CACNA1H: variants seen among roughly 807,000 people sequenced by gnomAD.
CACNA1H encodes the protein calcium voltage-gated channel subunit alpha1 H, also known as voltage-dependent T-type calcium channel subunit alpha-1H.
In CACNA1H, 149 loss-of-function variants were observed where a neutral mutation model predicts 192.5. The observed-to-expected ratio is 0.77, with a 90% CI of 0.68 to 0.89. The LOEUF is 0.89. Ranked by LOEUF, CACNA1H falls within the 40% of genes least tolerant of loss-of-function variation. The pLI, the probability that CACNA1H is intolerant of heterozygous loss-of-function variation, is 0.00. For synonymous variants in CACNA1H, 2,202 were observed against 1,475.2 expected (o/e 1.49, Z -11.29); for missense variants, 4,257 against 3,423.5 (o/e 1.24, Z -6.08).
chr16:1,219,033 C>G lies in CACNA1H; in HGVS notation c.5951C>G (p.Ala1984Gly). ...TGTGCCTCCCTCCAGATCCCATTGG[C>G]TGTGTCGTCCCCAGCCAGGAGCGGC... ...ESCASLQIPL[A>G]VSSPARSGEP... Residue 1984 changes from alanine (A) to glycine (G), a missense_variant, in exon 34 of 35, where the codon GCT (alanine) becomes GGT (glycine). Transcript: ENST00000348261. 6 of 1,550,154 alleles carry G rather than the reference C, an allele frequency of 3.9e-6. No individual in the cohort carries two copies. The highest frequency in any genetic ancestry group is 5.2e-6 in the Non-Finnish European group (6 of 1,146,846).
At chr16:1,168,292 C>T (rs1964006540) in intron 2 of CACNA1H, among the ~76,000 whole-genome samples, 1 of 152,104 alleles carries the variant, frequency 6.6e-6, no homozygotes, top group Admixed American at 6.5e-5. Context: ...CCATCTCCTC[C>T]CTCCTAGGGC....
At chr16:1,200,188 C>T (rs1296098611) in intron 6 of CACNA1H, 68 bp from the exon 7 acceptor site, 3 of 1,302,068 alleles carry the variant, frequency 2.3e-6, no homozygotes, top group East Asian at 2.5e-5. Context: ...TGATCACAAT[C>T]GTGCCCCCGA....
intron 2 of CACNA1H, among the ~76,000 whole-genome samples, chr16:1,176,598 A>AC (rs766056895): frequency 1.3e-4 from 19 of 151,888 alleles, no homozygotes; most frequent in Non-Finnish European, 1.8e-4. Flanking sequence ...GTCTCAGGTG[A>AC]CCCCCCAACC....
At chr16:1,195,351 CG>C in intron 3 of CACNA1H, 80 bp from the exon 4 acceptor site, 4 of 1,344,816 alleles carry the variant, frequency 3.0e-6, no homozygotes, top group Non-Finnish European at 3.9e-6. Flanking sequence ...GACTGGGGGC[CG>C]GGCTCTTGCG....
chr16:1,211,783 A>T lies in CACNA1H; in HGVS notation c.4544A>T (p.Asp1515Val). ...GTGAACATCATGTACGACGGGCTGGATGCCGTGGGTGTCGACCAGCAGGTG... is the reference window on the plus strand; with the variant it reads ...GTGAACATCATGTACGACGGGCTGGTTGCCGTGGGTGTCGACCAGCAGGTG... ...GWVNIMYDGL[D>V]AVGVDQQPVQ... The change falls in exon 24 of 35, where the codon GAT becomes GTT. Residue 1515 changes from aspartate (D) to valine (V), a missense_variant. Transcript: ENST00000348261. The T allele has an allele frequency of 6.2e-7, 1 of 1,612,674 alleles. No individual in the cohort carries two copies.
Position 1,220,578 on chromosome 16 carries a change from C to T in CACNA1H, c.6646C>T (p.Leu2216=). Residue 2216 remains leucine (L), a synonymous_variant, in exon 35 of 35, where the codon CTG becomes TTG. Transcript: ENST00000348261. The part of the protein sequence containing the change: ...PSAAEGGSTT[L]RRRTPSCEAT... ...CGCGGCAGAGGGCGGCAGCACCACACTGAGGCGCAGGACCCCGTCCTGTGA... is the reference window on the plus strand; with the variant it reads ...CGCGGCAGAGGGCGGCAGCACCACATTGAGGCGCAGGACCCCGTCCTGTGA... 6.5e-7 allele frequency: 1 copy of T among 1,540,394 alleles called. No individual in the cohort carries two copies. The highest frequency in any genetic ancestry group is 8.7e-7 in the Non-Finnish European group (1 of 1,150,258).
intron 2 of CACNA1H, among the ~76,000 whole-genome samples, chr16:1,162,024 C>A (rs191742948): frequency 6.6e-6 from 1 of 152,154 alleles, no homozygotes; most frequent in South Asian, 2.1e-4. Flanking sequence ...GGTCCCTGCT[C>A]CGGACCCTGT....
intron 2 of CACNA1H, among the ~76,000 whole-genome samples, chr16:1,158,819 C>T (rs1474700046): frequency 6.6e-6 from 1 of 152,012 alleles, no homozygotes. Flanking sequence ...CGCAGGGCGC[C>T]ACTCAGCCCG....
At chr16:1,199,877 T>A (rs11640926) in intron 6 of CACNA1H, among the ~76,000 whole-genome samples, 1 of 151,922 alleles carries the variant, frequency 6.6e-6, no homozygotes, top group Non-Finnish European at 1.5e-5. Context: ...CTTCCAGGAG[T>A]TGCTGAGGTC....
At position 1,204,272 on chromosome 16, in the gene CACNA1H, C is replaced by T. The variant is rs61073355; in HGVS notation, c.2265C>T (p.Gly755=). ...PPRATDTPGP[G]PGSPQRRAQQ... ...GTGCGACGGACACACCAGGCCCAGG[C>T]CCAGGCAGCCCCCAGCGGCGGGCAC... Residue 755 remains glycine (G), a synonymous_variant, in exon 10 of 35, where the codon GGC becomes GGT. Coordinates refer to ENST00000348261, the MANE Select transcript of CACNA1H (RefSeq NM_021098.3). 6.1e-3 allele frequency: 9,833 copies of T among 1,608,354 alleles called. 46 individuals are homozygous for T. Among genetic ancestry groups the T allele is most frequent in the Non-Finnish European group, 7.2e-3 (8,525 of 1,177,616 alleles).
At chr16:1,164,152 C>T (rs1013653235) in intron 2 of CACNA1H, among the ~76,000 whole-genome samples, 11 of 152,154 alleles carry the variant, frequency 7.2e-5, no homozygotes, top group African/African-American at 2.4e-4. Context: ...GTCCCTGACA[C>T]AGAAAACCCA....
chr16:1,205,340 C>G lies in CACNA1H; in HGVS notation c.2603+75C>G. On this transcript the variant is annotated intron_variant, in intron 11 of 34. Coordinates refer to ENST00000348261, the MANE Select transcript of CACNA1H (RefSeq NM_021098.3). ...TCTGGCAGAAATCCCACCTGCAGAG[C>G]AAAACCCAGAGCACAGGAGGAAGTA... The G allele has an allele frequency of 5.5e-6, 8 of 1,444,328 alleles. No individual in the cohort carries two copies. In the Admixed American group the frequency reaches 7.8e-5, roughly 14 times the overall value. 89.5% of individuals were successfully genotyped at this position (1,444,328 alleles called of 1,614,324 possible).
chr16:1,209,746 G>T (rs8049748), intron 17 of CACNA1H, among the ~76,000 whole-genome samples: 2 of 152,084 alleles, frequency 1.3e-5, no homozygotes, highest in African/African-American at 4.8e-5. Context: ...TCAGGCTTCC[G>T]TGGGTCAAGG....
rs568224207 is a variant in CACNA1H, at chr16:1,202,105, G to A, written c.1655G>A (p.Arg552Gln). 6.7e-5 allele frequency: 103 copies of A among 1,545,480 alleles called. No individual in the cohort carries two copies. Among genetic ancestry groups the A allele is most frequent in the African/African-American group, 5.9e-4 (43 of 73,104 alleles). ...GGCGCCTGCGACACCAGGCTGGTCC[G>A]AGCTGGCGCGCCCCCCTCGCCACCT... The part of the protein sequence containing the change: ...EPGACDTRLV[R>Q]AGAPPSPPSP... The change falls in exon 9 of 35, where the codon CGA becomes CAA. Residue 552 changes from arginine to glutamine, a missense_variant. Arg to Gln is a conservative substitution (Grantham distance 43). Coordinates refer to ENST00000348261, the MANE Select transcript of CACNA1H (RefSeq NM_021098.3).
chr16:1,212,639 G>A (rs928806287), intron 26 of CACNA1H, 111 bp downstream of exon 26: 13 of 1,320,536 alleles, frequency 9.8e-6, no homozygotes, highest in African/African-American at 4.4e-5. Context: ...ACAGGCAGCC[G>A]GAGGTGCTGG....
chr16:1,196,389 C>T (rs566121206), intron 5 of CACNA1H, among the ~76,000 whole-genome samples: 3 of 152,218 alleles, frequency 2.0e-5, no homozygotes, highest in African/African-American at 4.8e-5. Context: ...TGGTGTGGCT[C>T]GTGGTGGAGA....
rs1259938413 is a variant in CACNA1H, at chr16:1,221,768, A to G, written c.*774A>G. ...GAATAAATAGTAACTTATTTAAGAAATGCACTTGGATTCCTGCCATCAGTC... is the reference window on the plus strand; with the variant it reads ...GAATAAATAGTAACTTATTTAAGAAGTGCACTTGGATTCCTGCCATCAGTC... On this transcript the variant is annotated 3_prime_UTR_variant, in exon 35 of 35. Coordinates refer to ENST00000348261, the MANE Select transcript of CACNA1H (RefSeq NM_021098.3). 2 of 1,582,458 alleles carry G rather than the reference A, an allele frequency of 1.3e-6. No homozygotes were observed. Among genetic ancestry groups the G allele is most frequent in the Middle Eastern group, 1.7e-4 (1 of 5,880 alleles).
In CACNA1H at chr16:1,204,109, C is replaced by T. The variant is rs772486214; in HGVS notation, c.2102C>T (p.Pro701Leu). ...GTLTCELKSC[P>L]YCTRALEDPE... ...CTGACCTGTGAGCTGAAGAGCTGCC[C>T]GTACTGCACCCGTGCCCTGGAGGAC... Residue 701 changes from proline to leucine, a missense_variant, in exon 10 of 35, where the codon CCG (proline) becomes CTG (leucine). By Grantham distance (98) the Pro-to-Leu change is moderately conservative. Coordinates refer to ENST00000348261, the MANE Select transcript of CACNA1H (RefSeq NM_021098.3). The T allele has an allele frequency of 2.3e-5, 37 of 1,611,398 alleles. No individual in the cohort carries two copies. Among genetic ancestry groups the T allele is most frequent in the African/African-American group, 2.3e-4 (17 of 74,920 alleles).
intron 4 of CACNA1H, 151 bp from the exon 5 acceptor site, chr16:1,195,775 C>G: frequency 3.5e-6 from 3 of 856,890 alleles, no homozygotes; most frequent in Non-Finnish European, 5.8e-6. Flanking sequence ...CGTTGTGCTC[C>G]TGCTACCTCG....
Sources: allele counts gnomAD v4.1 joint callset (sites outside exome capture counted in the v4.1 genomes callset), GRCh38; gene constraint gnomAD v4.1.1; transcripts MANE v1.5; gene names NCBI Gene and HGNC (gene_info 2026-07-23, HGNC 2026-07-21).